Variants in UBP1 observed in about 807,000 individuals in gnomAD.
UBP1 encodes the protein upstream binding protein 1.
In UBP1, 22 loss-of-function variants were observed where a neutral mutation model predicts 76.1. The ratio of observed to expected loss-of-function variants is 0.29; its 90% CI spans 0.21 to 0.41. The LOEUF is 0.41. UBP1 is among the 10% of genes least tolerant of loss of function. The pLI, the probability that UBP1 is intolerant of heterozygous loss-of-function variation, is 1.00. For missense variants in UBP1, 436 were observed against 668.1 expected (o/e 0.65, Z 3.83); for synonymous variants, 224 against 237.1 (o/e 0.94, Z 0.51).
intron 1 of UBP1, among the ~76,000 whole-genome samples, chr3:33,438,130 A>G (rs1480347141): frequency 6.6e-6 from 1 of 152,208 alleles, no homozygotes; most frequent in African/African-American, 2.4e-5. Flanking sequence ...AATCATCAAG[A>G]TTGTACTTCC....
Position 33,425,043 on chromosome 3 carries a change from T to C in UBP1, c.265+547A>G, listed in dbSNP as rs147678749. Among the ~76,000 whole-genome samples, 146 of 150,820 alleles carry C rather than the reference T, an allele frequency of 9.7e-4. 2 individuals are homozygous for C. In the Middle Eastern group the frequency reaches 0.017, roughly 18 times the overall value. On this transcript the variant is annotated intron_variant, in intron 2 of 15. Transcript: ENST00000283629. Reference sequence around the variant, plus strand: ...CTGGGCGATAGAGCAAAACTCAGTCTCAAAAAAAAAAAGGTAAACTACCCC... The same window carrying C: ...CTGGGCGATAGAGCAAAACTCAGTCCCAAAAAAAAAAAGGTAAACTACCCC...
intron 1 of UBP1, among the ~76,000 whole-genome samples, chr3:33,438,160 T>C (rs1024334646): frequency 1.3e-5 from 2 of 152,212 alleles, no homozygotes; most frequent in African/African-American, 4.8e-5. Flanking sequence ...AAATAAACCA[T>C]ACACAGAAGT....
At chr3:33,434,536 C>T (rs944772511) in intron 1 of UBP1, among the ~76,000 whole-genome samples, 10 of 151,346 alleles carry the variant, frequency 6.6e-5, no homozygotes, top group East Asian at 2.0e-4. Flanking sequence ...ATCCACCTGC[C>T]TCAGCCTCCC....
chr3:33,400,891 T>C (rs920356080), intron 10 of UBP1, 71 bp downstream of exon 10: 2 of 1,464,286 alleles, frequency 1.4e-6, no homozygotes, highest in African/African-American at 2.9e-5. Context: ...TCCATACATT[T>C]GCACAAAAAC....
At chr3:33,423,082 C>T (rs1346085539) in intron 2 of UBP1, among the ~76,000 whole-genome samples, 1 of 150,742 alleles carries the variant, frequency 6.6e-6, no homozygotes, top group Non-Finnish European at 1.5e-5. Context: ...CGCTCTGTCA[C>T]CCAGGCTGGA....
intron 3 of UBP1, 44 bp downstream of exon 3, chr3:33,416,714 A>C (rs369119336): frequency 1.4e-6 from 2 of 1,402,706 alleles, no homozygotes; most frequent in African/African-American, 2.9e-5. Context: ...AAACTCATTC[A>C]ATCACAGCAA....
intron 2 of UBP1, among the ~76,000 whole-genome samples, chr3:33,417,754 T>C (rs1012736237): frequency 1.3e-5 from 2 of 152,204 alleles, no homozygotes; most frequent in Non-Finnish European, 2.9e-5. Flanking sequence ...AGAAAATCAG[T>C]AAAAATTAAA....
chr3:33,392,118 C>T (rs891754343), intron 15 of UBP1: 11 of 153,464 alleles, frequency 7.2e-5, no homozygotes, highest in African/African-American at 2.6e-4. Context: ...CCTTGCCTTA[C>T]AGTTTCATAT....
chr3:33,424,993 C>T (rs941229298), intron 2 of UBP1, among the ~76,000 whole-genome samples: 4 of 151,732 alleles, frequency 2.6e-5, no homozygotes, highest in South Asian at 4.2e-4. Context: ...TGCAGTGTGC[C>T]GAGATTGCGC....
At chr3:33,406,058 T>C (rs890946452) in intron 8 of UBP1, among the ~76,000 whole-genome samples, 2 of 152,218 alleles carry the variant, frequency 1.3e-5, no homozygotes, top group African/African-American at 4.8e-5. Flanking sequence ...ACTTATTGCA[T>C]GGCATAGCAA....
rs1426961320 is a variant in UBP1 at position 33,402,821 on chromosome 3, G to A, written c.1011C>T (p.Ser337=). 2 of 1,596,572 alleles carry A rather than the reference G, an allele frequency of 1.3e-6. No homozygotes were observed. Among genetic ancestry groups the A allele is most frequent in the Non-Finnish European group, 1.7e-6 (2 of 1,173,896 alleles). The change falls in exon 9 of 16, where the codon AGC becomes AGT. Residue 337 remains serine (S), a synonymous_variant. Coordinates refer to ENST00000283629, the MANE Select transcript of UBP1 (RefSeq NM_014517.5). Reference sequence around the variant, plus strand: ...GATACCTGTCTGGGACACTGCAAGTGCTCTGCTGTGGGGAGGTGAAAGTGG... The same window carrying A: ...GATACCTGTCTGGGACACTGCAAGTACTCTGCTGTGGGGAGGTGAAAGTGG... The part of the protein sequence containing the change: ...PAPTFTSPQQ[S]TCSVPDSNSS...
At chr3:33,401,341 AAGTT>A (rs1000719105) in intron 9 of UBP1, among the ~76,000 whole-genome samples, 7 of 152,346 alleles carry the variant, frequency 4.6e-5, no homozygotes, top group South Asian at 2.1e-4. Flanking sequence ...TAATTTTTAA[AAGTT>A]AGGGGAAAAA....
chr3:33,404,841 G>C (rs1421781156), intron 8 of UBP1, among the ~76,000 whole-genome samples: 1 of 151,920 alleles, frequency 6.6e-6, no homozygotes, highest in Non-Finnish European at 1.5e-5. Flanking sequence ...GGACTTCCAG[G>C]ACCTGAATGA....
intron 1 of UBP1, among the ~76,000 whole-genome samples, chr3:33,428,181 CA>C (rs59049122): frequency 0.034 from 1,922 of 57,080 alleles, 13 homozygotes; most frequent in African/African-American, 0.1. Context: ...GATTCCATCT[CA>C]AAAAAAAAAA....
intron 1 of UBP1, 92 bp downstream of exon 1, chr3:33,439,644 C>T: frequency 7.0e-7 from 1 of 1,429,918 alleles, no homozygotes; most frequent in Non-Finnish European, 9.5e-7. Context: ...GCCCGCGCAC[C>T]TCTGGGAGCA....
chr3:33,394,191 T>TTTA (rs148929407), intron 13 of UBP1, among the ~76,000 whole-genome samples: 4,905 of 143,370 alleles, frequency 0.034, 104 homozygotes, highest in African/African-American at 0.062. Context: ...CTGGCTAATT[T>TTTA]TTATTATTAT....
At chr3:33,399,349 G>A (rs2044133321) in intron 11 of UBP1, among the ~76,000 whole-genome samples, 2 of 152,134 alleles carry the variant, frequency 1.3e-5, no homozygotes, top group Non-Finnish European at 2.9e-5. Flanking sequence ...ACCTGGAGAA[G>A]CAGTGCTTGA....
chr3:33,439,560 G>C (rs2154060483), intron 1 of UBP1, among the ~76,000 whole-genome samples, 176 bp downstream of exon 1: 1 of 152,274 alleles, frequency 6.6e-6, no homozygotes, highest in South Asian at 2.1e-4. Context: ...CCGTCACCAG[G>C]GCGAGCAGAG....
chr3:33,402,763 T>C (rs1360557859), intron 9 of UBP1, 38 bp downstream of exon 9: 1 of 1,406,718 alleles, frequency 7.1e-7, no homozygotes, highest in African/African-American at 1.5e-5. Flanking sequence ...ACATGAGCAT[T>C]AGTTAGCTGC....
Sources: gnomAD v4.1 joint callset for allele counts (sites outside exome capture counted in the v4.1 genomes callset) on GRCh38, gnomAD v4.1.1 for gene constraint, MANE v1.5 for transcripts, NCBI Gene and HGNC (gene_info 2026-07-23, HGNC 2026-07-21) for gene names.